Variants in ENTREP2 observed in about 807,000 individuals in gnomAD.
The protein encoded by ENTREP2 is endosomal transmembrane epsin interactor 2, also known as protein ENTREP2.
At chr15:29,445,580 C>T in the ENTREP2 span, among the ~76,000 whole-genome samples, 5 of 152,126 alleles carry the variant, frequency 3.3e-5, no homozygotes, top group Admixed American at 2.0e-4. Flanking sequence ...TGGAGGGTGG[C>T]GCCCAGAGAA....
At chr15:29,374,198 T>C in the ENTREP2 span, 1 of 152,294 alleles carries the variant, frequency 6.6e-6, no homozygotes, top group African/African-American at 2.4e-5. Flanking sequence ...AAGCAATTCA[T>C]GGAAGAAATT....
chr15:29,569,964 C>G, the ENTREP2 span: 1 of 152,062 alleles, frequency 6.6e-6, no homozygotes, highest in Non-Finnish European at 1.5e-5. Flanking sequence ...AGTCAGCGAG[C>G]GACCACAGGG....
At chr15:29,405,018 G>A in the ENTREP2 span, among the ~76,000 whole-genome samples, 1 of 152,120 alleles carries the variant, frequency 6.6e-6, no homozygotes, top group African/African-American at 2.4e-5. Context: ...GCTACTGTAA[G>A]AGCCCTACAA....
the ENTREP2 span, among the ~76,000 whole-genome samples, chr15:29,174,407 G>A: frequency 3.9e-5 from 6 of 152,122 alleles, no homozygotes; most frequent in Non-Finnish European, 7.4e-5. Context: ...CTAGAAACAC[G>A]GCCAGGCACG....
At chr15:29,126,801 G>C in the ENTREP2 span, among the ~76,000 whole-genome samples, 1 of 152,200 alleles carries the variant, frequency 6.6e-6, no homozygotes, top group African/African-American at 2.4e-5. Context: ...GCCAGTGCAG[G>C]GGTACACAGC....
the ENTREP2 span, among the ~76,000 whole-genome samples, chr15:29,394,136 A>T: frequency 6.6e-6 from 1 of 152,212 alleles, no homozygotes. Flanking sequence ...CATAGGAAGG[A>T]AGATTTTTAG....
chr15:29,657,099 G>C, the ENTREP2 span, among the ~76,000 whole-genome samples: 2 of 152,130 alleles, frequency 1.3e-5, no homozygotes, highest in Non-Finnish European at 2.9e-5. Context: ...TCACGCCAGA[G>C]GGCAGTGGCG....
At chr15:29,378,415 C>T in the ENTREP2 span, among the ~76,000 whole-genome samples, 1 of 152,174 alleles carries the variant, frequency 6.6e-6, no homozygotes, top group African/African-American at 2.4e-5. Flanking sequence ...GGCTAGACCA[C>T]AGTACCCAGA....
At chr15:29,494,545 T>A in the ENTREP2 span, among the ~76,000 whole-genome samples, 1 of 152,206 alleles carries the variant, frequency 6.6e-6, no homozygotes. Flanking sequence ...TAAAATCTAC[T>A]CTCTTAGCAA....
chr15:29,345,031 G>T, the ENTREP2 span, among the ~76,000 whole-genome samples: 2 of 151,020 alleles, frequency 1.3e-5, no homozygotes, highest in African/African-American at 4.9e-5. Context: ...CCTTTGCCAA[G>T]GCTGCCTTTC....
At chr15:29,242,300 C>G in the ENTREP2 span, among the ~76,000 whole-genome samples, 2 of 152,162 alleles carry the variant, frequency 1.3e-5, no homozygotes, top group South Asian at 4.1e-4. Flanking sequence ...AACTCTTGAC[C>G]TCAAGTAATC....
the ENTREP2 span, chr15:29,269,911 T>C: frequency 3.9e-6 from 2 of 512,672 alleles, no homozygotes; most frequent in Non-Finnish European, 3.3e-6. Flanking sequence ...AGGAACAGCG[T>C]TTTCCGTGCA....
At chr15:29,490,827 CA>C in the ENTREP2 span, among the ~76,000 whole-genome samples, 2 of 152,360 alleles carry the variant, frequency 1.3e-5, no homozygotes, top group Non-Finnish European at 2.9e-5. Context: ...GATCCCGTGC[CA>C]GGGCCGAAGG....
chr15:29,597,568 CAA>C, the ENTREP2 span, among the ~76,000 whole-genome samples: 3 of 137,756 alleles, frequency 2.2e-5, no homozygotes, highest in African/African-American at 2.7e-5. Flanking sequence ...AACTCTGTCT[CAA>C]AAAAAAAAAA....
chr15:29,264,327 G>A, the ENTREP2 span, among the ~76,000 whole-genome samples: 1 of 151,988 alleles, frequency 6.6e-6, no homozygotes, highest in Non-Finnish European at 1.5e-5. Flanking sequence ...TAGATAATAA[G>A]TTAATGATAA....
At chr15:29,303,044 C>T in the ENTREP2 span, among the ~76,000 whole-genome samples, 2 of 152,090 alleles carry the variant, frequency 1.3e-5, no homozygotes, top group African/African-American at 2.4e-5. Context: ...TCAAAGGGGC[C>T]GCTTCTACTC....
chr15:29,564,645 C>A, the ENTREP2 span, among the ~76,000 whole-genome samples: 1 of 152,178 alleles, frequency 6.6e-6, no homozygotes, highest in Non-Finnish European at 1.5e-5. Context: ...GGTCTGCCCA[C>A]CAGACTTCCA....
At chr15:29,593,667 T>C in the ENTREP2 span, among the ~76,000 whole-genome samples, 1 of 152,226 alleles carries the variant, frequency 6.6e-6, no homozygotes, top group East Asian at 1.9e-4. Context: ...CCTCCTCCAA[T>C]CTACTTTATG....
the ENTREP2 span, among the ~76,000 whole-genome samples, chr15:29,371,670 C>A: frequency 6.6e-6 from 1 of 152,040 alleles, no homozygotes; most frequent in Non-Finnish European, 1.5e-5. Flanking sequence ...GAGAAAAACA[C>A]AGTTCTTAGA....
Sources: gnomAD v4.1 joint callset for allele counts (sites outside exome capture counted in the v4.1 genomes callset) on GRCh38, gnomAD v4.1.1 for gene constraint, MANE v1.5 for transcripts, NCBI Gene and HGNC (gene_info 2026-07-23, HGNC 2026-07-21) for gene names.